The following HLA-F variants were observed in gnomAD, a reference collection of about 807,000 sequenced individuals.
HLA-F encodes major histocompatibility complex, class I, F, also known as HLA class I histocompatibility antigen, alpha chain F.
A neutral mutation model predicts 49.5 loss-of-function variants in HLA-F; 46 were observed. The observed-to-expected ratio is 0.93, with a 90% CI of 0.73 to 1.19. HLA-F has a LOEUF of 1.19. Among genes scored for constraint, HLA-F ranks in the 50% most tolerant of loss-of-function variants. HLA-F has a pLI of 0.00. For synonymous variants in HLA-F, 203 were observed against 233.5 expected (o/e 0.87, Z 1.19); for missense variants, 496 against 579.6 (o/e 0.86, Z 1.48).
chr6:29,727,168 T>G lies in HLA-F; in HGVS notation c.1322T>G (p.Phe441Cys), dbSNP rs1304203026. 1.9e-6 allele frequency: 3 copies of G among 1,580,922 alleles called. No homozygotes were observed. Among genetic ancestry groups the G allele is most frequent in the Non-Finnish European group, 2.6e-6 (3 of 1,169,002 alleles). Residue 441 changes from phenylalanine to cysteine, a missense_variant, in exon 7 of 7, where the codon TTT becomes TGT. By Grantham distance (205) the Phe-to-Cys change is radical. Coordinates refer to ENST00000259951, the MANE Select transcript of HLA-F (RefSeq NM_001098479.2). ...ATGAAAAGGGTCCAGATTAAGATTT[T>G]TGACTGAGTCATTCTAAAGTAAGTT... is the stretch of plus-strand genomic sequence containing the variant. ...HLMKRVQIKI[F>C]D
chr6:29,725,952 C>G, intron 5 of HLA-F, 59 bp from the exon 6 acceptor site: 1 of 1,590,366 alleles, frequency 6.3e-7, no homozygotes, highest in African/African-American at 1.3e-5. Flanking sequence ...GGGGTTTGCT[C>G]TAGGACCTTA....
At chr6:29,737,628 C>A (rs2743917) in intron 3 of HLA-F, 1 of 151,862 alleles carries the variant, frequency 6.6e-6, no homozygotes, top group African/African-American at 2.4e-5. Flanking sequence ...TAAAGGGCAC[C>A]ATTTTTAGAT....
In HLA-F at chr6:29,724,252, G is replaced by C. The variant is rs747133995; in HGVS notation, c.414G>C (p.Ala138=). Residue 138 remains alanine (A), a synonymous_variant, in exon 3 of 7, where the codon GCG becomes GCC. Transcript: ENST00000259951. ...TCCTCCGCGGGTATCACCAGCACGC[G>C]TACGACGGCAAGGATTACATCTCCC... is the stretch of plus-strand genomic sequence containing the variant. ...GRLLRGYHQH[A]YDGKDYISLN... The C allele has an allele frequency of 6.2e-7, 1 of 1,613,026 alleles. No individual in the cohort carries two copies. Among genetic ancestry groups the C allele is most frequent in the East Asian group, 2.2e-5 (1 of 44,892 alleles).
chr6:29,726,635 T>C (rs1009379801), intron 6 of HLA-F: 29 of 1,515,988 alleles, frequency 1.9e-5, no homozygotes, highest in Non-Finnish European at 2.4e-5. Flanking sequence ...TGAAAAGATA[T>C]ACATATATTT....
At chr6:29,728,102 A>C (rs746761324), downstream of HLA-F, 1 of 518,706 alleles carries the variant, frequency 1.9e-6, no homozygotes, top group Non-Finnish European at 3.8e-6. Flanking sequence ...TCTTGTGGGG[A>C]ATGACCAGGG....
chr6:29,726,087 G>A (rs886885100), intron 6 of HLA-F, 44 bp downstream of exon 6: 2 of 1,590,550 alleles, frequency 1.3e-6, no homozygotes, highest in Non-Finnish European at 1.7e-6. Context: ...GGGATATTGT[G>A]GTCAGGAGCC....
chr6:29,724,134 G>A, intron 2 of HLA-F, 39 bp from the exon 3 acceptor site: 2 of 1,610,252 alleles, frequency 1.2e-6, no homozygotes, highest in Middle Eastern at 3.4e-4. Flanking sequence ...GGGAGGGGGC[G>A]GGGCTAGCTG....
intron 4 of HLA-F, 31 bp from the exon 5 acceptor site, chr6:29,725,416 C>A: frequency 6.2e-7 from 1 of 1,610,280 alleles, no homozygotes; most frequent in Non-Finnish European, 8.5e-7. Flanking sequence ...GCCTGGAGAT[C>A]AGGGCCCCTC....
In HLA-F at chr6:29,723,608, G is replaced by A. The variant is rs373876297; in HGVS notation, c.65-50G>A. On this transcript the variant is annotated intron_variant, in intron 1 of 6. Coordinates refer to ENST00000259951, the MANE Select transcript of HLA-F (RefSeq NM_001098479.2). Reference sequence around the variant, plus strand: ...CCGGTGGGGGCGCAGGACTCAGGGAGCCGCCTCCGGAGGAGGGTCTGGCGG... The same window carrying A: ...CCGGTGGGGGCGCAGGACTCAGGGAACCGCCTCCGGAGGAGGGTCTGGCGG... The A allele has an allele frequency of 5.5e-4, 876 of 1,599,772 alleles. 2 individuals are homozygous for A. Among genetic ancestry groups the A allele is most frequent in the African/African-American group, 4.9e-3 (364 of 74,318 alleles).
chr6:29,723,989 GGTCCCTCAGA>G, intron 2 of HLA-F, 62 bp downstream of exon 2: 1 of 1,558,406 alleles, frequency 6.4e-7, no homozygotes, highest in Non-Finnish European at 8.7e-7. Context: ...GGACCGCCCG[GGTCCCTCAGA>G]GTCTCCGGAT....
rs998525722 is a variant in HLA-F, at chr6:29,723,862, C to T, written c.269C>T (p.Ala90Val). Residue 90 changes from alanine to valine, a missense_variant, in exon 2 of 7, where the codon GCC becomes GTC. Coordinates refer to ENST00000259951, the MANE Select transcript of HLA-F (RefSeq NM_001098479.2). ...GAGTGGACCACAGGGTACGCCAAGGCCAACGCACAGACTGACCGAGTGGCC... is the reference window on the plus strand; with the variant it reads ...GAGTGGACCACAGGGTACGCCAAGGTCAACGCACAGACTGACCGAGTGGCC... ...YWEWTTGYAK[A>V]NAQTDRVALR... 11 of 1,598,288 alleles carry T rather than the reference C, an allele frequency of 6.9e-6. No individual in the cohort carries two copies. Among genetic ancestry groups the T allele is most frequent in the Non-Finnish European group, 9.4e-6 (11 of 1,172,916 alleles).
chr6:29,727,980 C>T (rs965674664), downstream of HLA-F: 1 of 518,902 alleles, frequency 1.9e-6, no homozygotes, highest in Non-Finnish European at 3.8e-6. Flanking sequence ...GTGTCTCTAC[C>T]TCTCAAACAA....
At chr6:29,736,686 A>C (rs991415682) in intron 3 of HLA-F, 2 of 277,002 alleles carry the variant, frequency 7.2e-6, no homozygotes, top group African/African-American at 2.3e-5. Flanking sequence ...CTTGATTTCT[A>C]ATATGATAGA....
Position 29,724,357 on chromosome 6 carries a change from T to C in HLA-F, c.519T>C (p.Tyr173=), listed in dbSNP as rs757471827. ...ITQRFYEAEE[Y]AEEFRTYLEG... ...AGCGCTTCTATGAGGCAGAGGAATA[T>C]GCAGAGGAGTTCAGGACCTACCTGG... is the stretch of plus-strand genomic sequence containing the variant. The change falls in exon 3 of 7, where the codon TAT becomes TAC. Residue 173 remains tyrosine (Y), a synonymous_variant. Transcript: ENST00000259951. 6.2e-7 allele frequency: 1 copy of C among 1,613,148 alleles called. No homozygotes were observed. Among genetic ancestry groups the C allele is most frequent in the Non-Finnish European group, 8.5e-7 (1 of 1,180,020 alleles).
chr6:29,723,469 G>T lies in HLA-F; in HGVS notation c.6G>T (p.Ala2=), dbSNP rs984064277. ...CAGACGCGGAGGTTGGGGTCATGGC[G>T]CCCCGAAGCCTCCTCCTGCTGCTCT... is the stretch of plus-strand genomic sequence containing the variant. M[A]PRSLLLLLSG... is the part of the protein sequence containing the mutation. Residue 2 remains alanine, a synonymous_variant, in exon 1 of 7, where the codon GCG becomes GCT. Transcript: ENST00000259951. 5 of 1,613,572 alleles carry T rather than the reference G, an allele frequency of 3.1e-6. No individual in the cohort carries two copies. Among genetic ancestry groups the T allele is most frequent in the Non-Finnish European group, 3.4e-6 (4 of 1,179,968 alleles).
intron 3 of HLA-F, chr6:29,735,613 G>T (rs1433967904): frequency 6.6e-6 from 1 of 151,756 alleles, no homozygotes; most frequent in African/African-American, 2.4e-5. Flanking sequence ...CTTTTGACAG[G>T]TTGATTATAA....
chr6:29,730,076 G>T (rs1420215452), downstream of HLA-F, among the ~76,000 whole-genome samples: 1 of 152,146 alleles, frequency 6.6e-6, no homozygotes, highest in Non-Finnish European at 1.5e-5. Context: ...ATACCCAAAA[G>T]AATTGAAAGC....
At chr6:29,724,136 G>A in intron 2 of HLA-F, 37 bp from the exon 3 acceptor site, 2 of 1,611,120 alleles carry the variant, frequency 1.2e-6, no homozygotes, top group Non-Finnish European at 1.7e-6. Context: ...GAGGGGGCGG[G>A]GCTAGCTGGG....
rs1243707357 is a variant in HLA-F at position 29,725,549 on chromosome 6, GGAA to G, written c.995_997del (p.Lys332del). 2 of 1,613,932 alleles carry G rather than the reference GGAA, an allele frequency of 1.2e-6. No individual in the cohort carries two copies. The highest frequency in any genetic ancestry group is 1.7e-6 in the Non-Finnish European group (2 of 1,179,924). ...GCTGTGGTCGCTGCTGTGATGTGGA[GGAA>G]GAAGAGCTCAGGTAGGAAGGGGTGA... is the stretch of plus-strand genomic sequence containing the variant. On this transcript the variant is annotated inframe_deletion, in exon 5 of 7. Coordinates refer to ENST00000259951, the MANE Select transcript of HLA-F (RefSeq NM_001098479.2).
Sources: allele counts gnomAD v4.1 joint callset (sites outside exome capture counted in the v4.1 genomes callset), GRCh38; gene constraint gnomAD v4.1.1; transcripts MANE v1.5; gene names NCBI Gene and HGNC (gene_info 2026-07-23, HGNC 2026-07-21).